The following PPARGC1A variants were observed in gnomAD, a reference collection of about 807,000 sequenced individuals.
The protein encoded by PPARGC1A is PPARG coactivator 1 alpha.
PPARGC1A carries 25 observed loss-of-function variants against 88.7 expected under a neutral mutation model. That is an observed-to-expected ratio of 0.28 (90% CI 0.21 to 0.39). The LOEUF (loss-of-function observed/expected upper bound fraction) is 0.39. Among genes scored for constraint, PPARGC1A ranks in the 10% least tolerant of loss-of-function variants. The probability of loss-of-function intolerance (pLI) is 1.00; values close to 1 mark genes in which losing one functional copy is unlikely to be tolerated. For synonymous variants in PPARGC1A, 363 were observed against 355.6 expected (o/e 1.02, Z -0.24); for missense variants, 880 against 968.7 (o/e 0.91, Z 1.22).
chr4:23,839,422 T>A (rs1318301862), intron 2 of PPARGC1A, among the ~76,000 whole-genome samples: 1 of 152,112 alleles, frequency 6.6e-6, no homozygotes, highest in Non-Finnish European at 1.5e-5. Context: ...GGAGACTTAA[T>A]AGGCCTGAAA....
chr4:24,001,597 A>G, the PPARGC1A span, among the ~76,000 whole-genome samples: 5 of 152,244 alleles, frequency 3.3e-5, no homozygotes, highest in Non-Finnish European at 7.3e-5. Context: ...CTTTTCTTGT[A>G]AACTAAATCA....
the PPARGC1A span, among the ~76,000 whole-genome samples, chr4:24,158,696 T>A: frequency 2.0e-5 from 3 of 152,192 alleles, no homozygotes; most frequent in Non-Finnish European, 4.4e-5. Flanking sequence ...GTGGAACAGC[T>A]TGAATTGCTG....
chr4:24,354,764 G>A, the PPARGC1A span, among the ~76,000 whole-genome samples: 7 of 152,080 alleles, frequency 4.6e-5, no homozygotes, highest in African/African-American at 1.7e-4. Context: ...GCAGGCGCCT[G>A]TAGTCCCAGC....
the PPARGC1A span, among the ~76,000 whole-genome samples, chr4:23,953,538 T>G: frequency 6.6e-6 from 1 of 152,066 alleles, no homozygotes; most frequent in African/African-American, 2.4e-5. Context: ...ACTGTAATAT[T>G]TGGAGTATGC....
the PPARGC1A span, among the ~76,000 whole-genome samples, chr4:24,024,209 A>G: frequency 6.6e-6 from 1 of 152,202 alleles, no homozygotes; most frequent in African/African-American, 2.4e-5. Flanking sequence ...AGCACACTCT[A>G]TGTGCCACTT....
At chr4:24,262,566 C>T in the PPARGC1A span, among the ~76,000 whole-genome samples, 2 of 152,172 alleles carry the variant, frequency 1.3e-5, no homozygotes, top group African/African-American at 4.8e-5. Flanking sequence ...AATATTCCAC[C>T]CAGTCCATTT....
the PPARGC1A span, among the ~76,000 whole-genome samples, chr4:24,412,745 G>A: frequency 1.3e-4 from 20 of 152,332 alleles, no homozygotes; most frequent in Middle Eastern, 3.4e-3. Context: ...CTCCCAAAGC[G>A]TTGGGATTAC....
chr4:24,445,009 G>T, the PPARGC1A span, among the ~76,000 whole-genome samples: 2 of 151,824 alleles, frequency 1.3e-5, no homozygotes, highest in African/African-American at 4.8e-5. Flanking sequence ...CTGTGATTGC[G>T]CCACTTGCAC....
At chr4:24,267,026 A>C in the PPARGC1A span, among the ~76,000 whole-genome samples, 3 of 152,208 alleles carry the variant, frequency 2.0e-5, no homozygotes, top group African/African-American at 7.2e-5. Context: ...TAAATACCTG[A>C]AACTGCATTC....
the PPARGC1A span, among the ~76,000 whole-genome samples, chr4:24,336,034 T>A: frequency 2.0e-5 from 3 of 152,196 alleles, no homozygotes; most frequent in East Asian, 5.8e-4. Flanking sequence ...TCTCTTCTAT[T>A]TCTTCACTTT....
chr4:23,978,621 C>G, the PPARGC1A span, among the ~76,000 whole-genome samples: 1 of 152,156 alleles, frequency 6.6e-6, no homozygotes, highest in Non-Finnish European at 1.5e-5. Flanking sequence ...CAAAACTATA[C>G]CAGATTAATG....
the PPARGC1A span, among the ~76,000 whole-genome samples, chr4:23,937,837 A>AT: frequency 3.4e-4 from 52 of 152,208 alleles, no homozygotes; most frequent in Non-Finnish European, 2.9e-4. Context: ...TTCCTGTGAT[A>AT]TTTTTCTGCC....
the PPARGC1A span, among the ~76,000 whole-genome samples, chr4:24,214,448 T>C: frequency 6.6e-6 from 1 of 152,122 alleles, no homozygotes; most frequent in Non-Finnish European, 1.5e-5. Flanking sequence ...AATGACAGCA[T>C]AGTGTTTTCT....
chr4:24,089,554 A>G, the PPARGC1A span, among the ~76,000 whole-genome samples: 5 of 132,208 alleles, frequency 3.8e-5, no homozygotes, highest in African/African-American at 1.2e-4. Context: ...TCTATCACCC[A>G]GGCTGGAGTG....
chr4:24,231,019 AC>A, the PPARGC1A span, among the ~76,000 whole-genome samples: 1 of 152,130 alleles, frequency 6.6e-6, no homozygotes, highest in African/African-American at 2.4e-5. Context: ...CATCACTACA[AC>A]TTTATAATCT....
chr4:24,331,511 G>A, the PPARGC1A span, among the ~76,000 whole-genome samples: 1 of 152,112 alleles, frequency 6.6e-6, no homozygotes, highest in African/African-American at 2.4e-5. Context: ...TGCCCATCTT[G>A]TTTATTGCTA....
At chr4:24,365,254 C>T in the PPARGC1A span, among the ~76,000 whole-genome samples, 4 of 151,922 alleles carry the variant, frequency 2.6e-5, no homozygotes, top group African/African-American at 9.7e-5. Context: ...AAAAACCTTC[C>T]AAGTTATTTA....
chr4:24,124,512 T>TA, the PPARGC1A span, among the ~76,000 whole-genome samples: 5 of 152,224 alleles, frequency 3.3e-5, no homozygotes, highest in African/African-American at 4.8e-5. Flanking sequence ...TGGCATGACC[T>TA]GCAATCTGGG....
chr4:24,448,711 G>A, the PPARGC1A span, among the ~76,000 whole-genome samples: 6 of 152,044 alleles, frequency 3.9e-5, no homozygotes, highest in South Asian at 2.1e-4. Flanking sequence ...GGTTAATCAC[G>A]ACCTTTCCAG....
Sources: allele counts gnomAD v4.1 joint callset (sites outside exome capture counted in the v4.1 genomes callset), GRCh38; gene constraint gnomAD v4.1.1; transcripts MANE v1.5; gene names NCBI Gene and HGNC (gene_info 2026-07-23, HGNC 2026-07-21).